DPP6: variants seen among roughly 807,000 people sequenced by gnomAD.
DPP6 encodes A-type potassium channel modulatory protein DPP6.
DPP6 carries 69 observed loss-of-function variants against 122.6 expected under a neutral mutation model. That is an observed-to-expected ratio of 0.56 (90% CI 0.46 to 0.69). The LOEUF (loss-of-function observed/expected upper bound fraction) is 0.69, where lower values mean the gene tolerates loss of function less well. DPP6 is among the 30% of genes least tolerant of loss of function. DPP6 has a pLI of 0.00. For synonymous variants in DPP6, 418 were observed against 433.1 expected (o/e 0.97, Z 0.43); for missense variants, 928 against 1,116.9 (o/e 0.83, Z 2.41).
chr7:154,780,183 G>A (rs1796935119), intron 10 of DPP6, among the ~76,000 whole-genome samples: 1 of 152,150 alleles, frequency 6.6e-6, no homozygotes, highest in East Asian at 1.9e-4. Flanking sequence ...AGTGACTAGG[G>A]TAATGGAGAA....
intron 7 of DPP6, among the ~76,000 whole-genome samples, chr7:154,682,134 C>T (rs1311846769): frequency 6.6e-6 from 1 of 152,230 alleles, no homozygotes; most frequent in Non-Finnish European, 1.5e-5. Context: ...GATTTAACAA[C>T]TTGTCTGATG....
intron 8 of DPP6, among the ~76,000 whole-genome samples, chr7:154,740,756 A>G (rs1842780689): frequency 6.6e-6 from 1 of 152,138 alleles, no homozygotes; most frequent in Non-Finnish European, 1.5e-5. Context: ...GCACGTGGGT[A>G]TCTCGGCCTT....
intron 1 of DPP6, among the ~76,000 whole-genome samples, chr7:154,197,610 G>C (rs1310979860): frequency 6.6e-6 from 1 of 152,168 alleles, no homozygotes; most frequent in Non-Finnish European, 1.5e-5. Flanking sequence ...ACTCTTGACT[G>C]TCATAACAAA....
At position 154,572,827 on chromosome 7, in the gene DPP6, G is replaced by A. The variant is rs150752833; in HGVS notation, c.627+5911G>A. Among the ~76,000 whole-genome samples the A allele has an allele frequency of 2.1e-4, 32 of 151,720 alleles. No homozygotes were observed. In the East Asian group the frequency reaches 4.5e-3, roughly 21 times the overall value. ...CCCAAGTAGCTGGGATTATGGGCACGCACCACCACACCTGGCTAATTTTTG... is the reference window on the plus strand; with the variant it reads ...CCCAAGTAGCTGGGATTATGGGCACACACCACCACACCTGGCTAATTTTTG... On this transcript the variant is annotated intron_variant, in intron 5 of 25. Transcript: ENST00000377770.
At chr7:154,151,227 C>T (rs2150685841) in intron 1 of DPP6, among the ~76,000 whole-genome samples, 1 of 152,270 alleles carries the variant, frequency 6.6e-6, no homozygotes, top group Non-Finnish European at 1.5e-5. Context: ...TTGCTTCTGC[C>T]CGCCCCAGGA....
intron 1 of DPP6, among the ~76,000 whole-genome samples, chr7:154,409,805 G>A (rs1450081072): frequency 6.6e-6 from 1 of 152,198 alleles, no homozygotes; most frequent in African/African-American, 2.4e-5. Context: ...CCTGACCTGT[G>A]GCACCACTTT....
the DPP6 span, among the ~76,000 whole-genome samples, chr7:153,823,019 T>C: frequency 3.3e-5 from 5 of 152,152 alleles, no homozygotes; most frequent in Non-Finnish European, 1.5e-5. Flanking sequence ...TCAAAGGTCT[T>C]TGAAGATGAA....
intron 1 of DPP6, among the ~76,000 whole-genome samples, chr7:154,284,208 T>A (rs1289127196): frequency 6.6e-6 from 1 of 152,034 alleles, no homozygotes; most frequent in South Asian, 2.1e-4. Context: ...TGTAGGTGAG[T>A]CTTTGCTGAT....
the DPP6 span, among the ~76,000 whole-genome samples, chr7:153,863,713 A>C: frequency 1.3e-5 from 2 of 152,168 alleles, no homozygotes; most frequent in East Asian, 1.9e-4. Context: ...GCATATTAGC[A>C]GTCACTCCCC....
At chr7:153,844,153 C>G in the DPP6 span, among the ~76,000 whole-genome samples, 1 of 152,190 alleles carries the variant, frequency 6.6e-6, no homozygotes, top group East Asian at 1.9e-4. Flanking sequence ...TTGGCTCATT[C>G]TGGCAGTCCA....
At chr7:154,871,168 C>G (rs991589482) in intron 18 of DPP6, among the ~76,000 whole-genome samples, 1 of 152,126 alleles carries the variant, frequency 6.6e-6, no homozygotes, top group Non-Finnish European at 1.5e-5. Flanking sequence ...CACTGCTGTC[C>G]CAGTAACGCT....
At chr7:153,870,722 C>T in the DPP6 span, among the ~76,000 whole-genome samples, 1 of 152,194 alleles carries the variant, frequency 6.6e-6, no homozygotes, top group Non-Finnish European at 1.5e-5. Context: ...GGAGGAGAGG[C>T]TCTCTGATTT....
chr7:153,754,092 T>C, the DPP6 span, among the ~76,000 whole-genome samples: 3 of 152,216 alleles, frequency 2.0e-5, no homozygotes, highest in Admixed American at 1.3e-4. Flanking sequence ...GGAAATTTAA[T>C]AGCCTTCTTA....
At chr7:154,646,492 C>T (rs1471355057) in intron 6 of DPP6, among the ~76,000 whole-genome samples, 1 of 126,898 alleles carries the variant, frequency 7.9e-6, no homozygotes, top group Admixed American at 8.4e-5. Flanking sequence ...TCTGACCCTT[C>T]AAGCCACAGC....
intron 1 of DPP6, among the ~76,000 whole-genome samples, chr7:154,391,539 G>A (rs768119466): frequency 6.6e-6 from 1 of 152,154 alleles, no homozygotes; most frequent in Non-Finnish European, 1.5e-5. Flanking sequence ...CCTTAATTCA[G>A]GTTACAGGGA....
intron 3 of DPP6, among the ~76,000 whole-genome samples, chr7:154,525,381 C>T (rs553128135): frequency 6.0e-4 from 92 of 152,302 alleles, no homozygotes; most frequent in African/African-American, 2.2e-3. Context: ...GGCTCTCAAA[C>T]TCCTGGGCTC....
chr7:154,735,891 C>T (rs537763565), intron 8 of DPP6, among the ~76,000 whole-genome samples: 1 of 152,336 alleles, frequency 6.6e-6, no homozygotes, highest in South Asian at 2.1e-4. Context: ...GCTGCCAAGG[C>T]CCTCTTAGCC....
At chr7:154,835,471 G>T (rs1800975601) in intron 16 of DPP6, among the ~76,000 whole-genome samples, 2 of 152,150 alleles carry the variant, frequency 1.3e-5, no homozygotes, top group Non-Finnish European at 2.9e-5. Context: ...CAGTCCCCAG[G>T]TACCTACTCC....
At chr7:154,740,750 G>A (rs895534151) in intron 8 of DPP6, among the ~76,000 whole-genome samples, 5 of 152,148 alleles carry the variant, frequency 3.3e-5, no homozygotes, top group African/African-American at 1.2e-4. Context: ...GGCTGGGCAC[G>A]TGGGTATCTC....
Sources: gnomAD v4.1 joint callset for allele counts (sites outside exome capture counted in the v4.1 genomes callset) on GRCh38, gnomAD v4.1.1 for gene constraint, MANE v1.5 for transcripts, NCBI Gene and HGNC (gene_info 2026-07-23, HGNC 2026-07-21) for gene names.